KMT2C: variants seen among roughly 807,000 people sequenced by gnomAD.
The protein encoded by KMT2C is lysine methyltransferase 2C, also known as histone-lysine N-methyltransferase 2C.
A neutral mutation model predicts 507.9 loss-of-function variants in KMT2C; 88 were observed. The ratio of observed to expected loss-of-function variants is 0.17; its 90% CI spans 0.15 to 0.21. The LOEUF is 0.21. Ranked by LOEUF, KMT2C falls within the 10% of genes least tolerant of loss-of-function variation. KMT2C has a pLI of 1.00. For missense variants in KMT2C, 4,954 were observed against 5,957.8 expected, an observed-to-expected ratio of 0.83 and a Z score of 5.55; for synonymous variants, 2,049 against 2,080.8, an observed-to-expected ratio of 0.98 and a Z score of 0.42.
In KMT2C at chr7:152,182,307, T is replaced by C. The variant is rs1449345075; in HGVS notation, c.5553A>G (p.Gln1851=). ...TSSDDVFVKP[Q]APPPPPAPSR... ...ATGGGGCTGGAGGAGGAGGTGGAGCTTGTGGCTTTACAAACACATCATCTG... is the reference window on the plus strand; with the variant it reads ...ATGGGGCTGGAGGAGGAGGTGGAGCCTGTGGCTTTACAAACACATCATCTG... Residue 1851 remains glutamine (Q), a synonymous_variant, in exon 36 of 59, where the codon CAA becomes CAG. Coordinates refer to ENST00000262189, the MANE Select transcript of KMT2C (RefSeq NM_170606.3). 4 of 1,613,962 alleles carry C rather than the reference T, an allele frequency of 2.5e-6. No individual in the cohort carries two copies. Among genetic ancestry groups the C allele is most frequent in the African/African-American group, 2.7e-5 (2 of 74,896 alleles).
At chr7:152,206,354 T>C (rs774468189) in intron 24 of KMT2C, among the ~76,000 whole-genome samples, 3 of 152,056 alleles carry the variant, frequency 2.0e-5, no homozygotes, top group Non-Finnish European at 4.4e-5. Flanking sequence ...AGTACACTTA[T>C]AAGCCTCATG....
chr7:152,330,619 C>T lies in KMT2C; in HGVS notation c.371G>A (p.Gly124Asp), dbSNP rs777999542. 1 of 1,614,156 alleles carries T rather than the reference C, an allele frequency of 6.2e-7. No homozygotes were observed. Among genetic ancestry groups the T allele is most frequent in the Non-Finnish European group, 8.5e-7 (1 of 1,180,008 alleles). Residue 124 changes from glycine (G) to aspartate (D), a missense_variant, in exon 3 of 59, where the codon GGT (glycine) becomes GAT (aspartate). Coordinates refer to ENST00000262189, the MANE Select transcript of KMT2C (RefSeq NM_170606.3). ...EESANSLVSV[G>D]VEAKISEQLC... is the part of the protein sequence containing the mutation. ...CTCTAACCTGATTTTGGCTTCTACA[C>T]CAACAGAGACCAGGGAGTTTGCCGA...
In KMT2C at chr7:152,187,763, C is replaced by A. The variant is rs2093668885; in HGVS notation, c.4745G>T (p.Gly1582Val). 6 of 1,614,106 alleles carry A rather than the reference C, an allele frequency of 3.7e-6. No homozygotes were observed. Among genetic ancestry groups the A allele is most frequent in the Non-Finnish European group, 5.1e-6 (6 of 1,180,008 alleles). Residue 1582 changes from glycine (G) to valine (V), a missense_variant, in exon 32 of 59, where the codon GGA becomes GTA. Physicochemically the swap from Gly to Val is moderately radical, Grantham distance 109. Around this residue, in one of 29 missense-constraint regions of KMT2C, gnomAD observed 195 missense variants for 183.7 expected, o/e 1.06. Coordinates refer to ENST00000262189, the MANE Select transcript of KMT2C (RefSeq NM_170606.3). ...TGCAATTGCAGAGAAAGTTCCCAGTCCGCTTCCAGGTGGCAAAGAATTATG... is the reference window on the plus strand; with the variant it reads ...TGCAATTGCAGAGAAAGTTCCCAGTACGCTTCCAGGTGGCAAAGAATTATG... ...LPHNSLPPGS[G>V]LGTFSAIAQS...
intron 54 of KMT2C, 65 bp downstream of exon 54, chr7:152,145,088 G>A: frequency 6.4e-7 from 1 of 1,557,928 alleles, no homozygotes; most frequent in Non-Finnish European, 8.7e-7. Context: ...GACAAATCAA[G>A]CACAGGAAAC....
At chr7:152,335,347 AT>A (rs1243052427) in intron 2 of KMT2C, among the ~76,000 whole-genome samples, 1 of 152,232 alleles carries the variant, frequency 6.6e-6, no homozygotes, top group Admixed American at 6.5e-5. Flanking sequence ...GGATATACCC[AT>A]TTTATACCAT....
At position 152,145,201 on chromosome 7, in the gene KMT2C, G is replaced by A. The variant is rs10265966; in HGVS notation, c.14126C>T (p.Ala4709Val). The A allele has an allele frequency of 3.7e-6, 6 of 1,614,036 alleles. No individual in the cohort carries two copies. The highest frequency in any genetic ancestry group is 4.2e-6 in the Non-Finnish European group (5 of 1,180,028). ...GGCACTCATTTTAGGTTCAGAACGG[G>A]CACAACCTGTGGGGTTAACGGCAAG... Reference protein sequence around the residue: ...LPLAVNPTGCARSEPKMSAHV... With the variant: ...LPLAVNPTGCVRSEPKMSAHV... Residue 4709 changes from alanine to valine, a missense_variant, in exon 54 of 59, where the codon GCC (alanine) becomes GTC (valine). Transcript: ENST00000262189.
At chr7:152,278,692 A>C (rs1487704631) in intron 6 of KMT2C, among the ~76,000 whole-genome samples, 3 of 152,250 alleles carry the variant, frequency 2.0e-5, no homozygotes, top group Non-Finnish European at 4.4e-5. Context: ...GTATAGCAAT[A>C]ATTGCAAAGA....
intron 1 of KMT2C, among the ~76,000 whole-genome samples, chr7:152,377,817 G>A (rs1487605069): frequency 5.3e-5 from 8 of 151,764 alleles, no homozygotes; most frequent in Middle Eastern, 3.4e-3. Flanking sequence ...ATTCACCACC[G>A]TAGATGTCAT....
intron 16 of KMT2C, among the ~76,000 whole-genome samples, chr7:152,231,207 A>G (rs1424431524): frequency 6.6e-6 from 1 of 152,220 alleles, no homozygotes; most frequent in Non-Finnish European, 1.5e-5. Context: ...ATGATTATCA[A>G]CCAATATTGC....
At chr7:152,291,422 T>C (rs1172892794) in intron 6 of KMT2C, among the ~76,000 whole-genome samples, 2 of 152,250 alleles carry the variant, frequency 1.3e-5, no homozygotes, top group African/African-American at 2.4e-5. Flanking sequence ...TACCTGCTAA[T>C]AAATAATACA....
At chr7:152,430,945 C>T (rs2097857851) in intron 1 of KMT2C, among the ~76,000 whole-genome samples, 1 of 152,164 alleles carries the variant, frequency 6.6e-6, no homozygotes, top group South Asian at 2.1e-4. Context: ...CAGAGTTGGA[C>T]AACCACTATC....
chr7:152,366,942 C>CG, intron 1 of KMT2C: 1 of 494,464 alleles, frequency 2.0e-6, no homozygotes, highest in Admixed American at 3.7e-5. Flanking sequence ...CGGGCACGAT[C>CG]GCAAGGTCGC....
At chr7:152,270,419 A>G (rs2095942002) in intron 7 of KMT2C, among the ~76,000 whole-genome samples, 1 of 152,214 alleles carries the variant, frequency 6.6e-6, no homozygotes. Context: ...TAGCATTTCC[A>G]TGTTTAAACC....
chr7:152,315,051 C>T (rs567303169), intron 4 of KMT2C, 87 bp downstream of exon 4: 1 of 1,151,986 alleles, frequency 8.7e-7, no homozygotes, highest in East Asian at 2.4e-5. Context: ...CAAGAACAAT[C>T]CCATTTGAAA....
chr7:152,246,594 A>G (rs2095477895), intron 14 of KMT2C, among the ~76,000 whole-genome samples: 1 of 152,148 alleles, frequency 6.6e-6, no homozygotes, highest in Non-Finnish European at 1.5e-5. Flanking sequence ...GAATGTAAAT[A>G]TATCAACCAA....
intron 31 of KMT2C, among the ~76,000 whole-genome samples, chr7:152,192,247 A>C (rs1361427182): frequency 6.6e-6 from 1 of 152,190 alleles, no homozygotes; most frequent in Non-Finnish European, 1.5e-5. Flanking sequence ...TTAATCGTTA[A>C]AACAGCATAT....
At chr7:152,395,590 C>A (rs1342695655) in intron 1 of KMT2C, among the ~76,000 whole-genome samples, 3 of 152,146 alleles carry the variant, frequency 2.0e-5, no homozygotes, top group Non-Finnish European at 1.5e-5. Flanking sequence ...TCACTGCAAC[C>A]TCCGCCTCCT....
At chr7:152,384,298 T>A (rs1589624517) in intron 1 of KMT2C, among the ~76,000 whole-genome samples, 1 of 152,176 alleles carries the variant, frequency 6.6e-6, no homozygotes, top group African/African-American at 2.4e-5. Flanking sequence ...CCATACTACC[T>A]CTAAAGCCTC....
chr7:152,387,762 C>G (rs111841334), intron 1 of KMT2C, among the ~76,000 whole-genome samples: 1 of 122,694 alleles, frequency 8.2e-6, no homozygotes, highest in Admixed American at 8.4e-5. Flanking sequence ...TGAGCCACCG[C>G]GCCCGGCCTA....
Sources: allele counts gnomAD v4.1 joint callset (sites outside exome capture counted in the v4.1 genomes callset), GRCh38; gene constraint gnomAD v4.1.1; regional missense constraint gnomAD v4.1.1; transcripts MANE v1.5; gene names NCBI Gene and HGNC (gene_info 2026-07-23, HGNC 2026-07-21).